Variants in RHEB observed in about 807,000 individuals in gnomAD.
RHEB encodes the protein Ras homolog, mTORC1 binding.
In RHEB, 2 loss-of-function variants were observed where a neutral mutation model predicts 28.8. The observed-to-expected ratio is 0.07, with a 90% confidence interval of 0.03 to 0.22. The LOEUF (loss-of-function observed/expected upper bound fraction) is 0.22. RHEB is among the 10% of genes least tolerant of loss of function. The probability of loss-of-function intolerance (pLI) is 1.00; values close to 1 mark genes in which losing one functional copy is unlikely to be tolerated. For missense variants in RHEB, 76 were observed against 219.9 expected (o/e 0.35, Z 4.14); for synonymous variants, 69 against 77.3 (o/e 0.89, Z 0.56).
intron 4 of RHEB, 102 bp from the exon 5 acceptor site, chr7:151,471,707 C>A (rs1802164670): frequency 9.5e-6 from 7 of 734,628 alleles, no homozygotes; most frequent in African/African-American, 1.8e-5. Context: ...CACAGACTCA[C>A]CATTTTAACA....
intron 3 of RHEB, among the ~76,000 whole-genome samples, chr7:151,482,373 G>C (rs1436097653): frequency 6.6e-6 from 1 of 152,104 alleles, no homozygotes; most frequent in Non-Finnish European, 1.5e-5. Flanking sequence ...CACAGTGTTG[G>C]GATTAAGGGC....
intron 1 of RHEB, among the ~76,000 whole-genome samples, chr7:151,508,665 C>CA (rs1364260253): frequency 6.6e-6 from 1 of 150,802 alleles, no homozygotes; most frequent in Non-Finnish European, 1.5e-5. Context: ...CTCAGCCTCC[C>CA]ACTTTTGTAG....
At position 151,498,126 on chromosome 7, in the gene RHEB, C is replaced by T. The variant is rs1802705611; in HGVS notation, c.53-7112G>A. On this transcript the variant is annotated intron_variant, in intron 1 of 7. Transcript: ENST00000262187. ...TGCCCATGGGGATGCACCTGTGCGC[C>T]CTGCAGAACTATAACACCACTCACA... is the stretch of plus-strand genomic sequence containing the variant. 6.2e-6 allele frequency: 8 copies of T among 1,289,504 alleles called. No homozygotes were observed. The South Asian group carries it at 9.9e-5, about 16-fold the overall frequency. The allele number at this position is 1,289,504 out of a possible 1,614,324, so 79.9% of individuals were successfully genotyped here.
intron 1 of RHEB, among the ~76,000 whole-genome samples, chr7:151,503,734 T>C (rs1563099817): frequency 6.6e-6 from 1 of 151,754 alleles, no homozygotes; most frequent in Non-Finnish European, 1.5e-5. Flanking sequence ...TTTTACTCGA[T>C]GGTGAAATTC....
intron 4 of RHEB, among the ~76,000 whole-genome samples, chr7:151,476,410 A>G (rs1802273723): frequency 6.6e-6 from 1 of 152,216 alleles, no homozygotes; most frequent in South Asian, 2.1e-4. Context: ...AAACACTTCT[A>G]TCACCGCAGT....
intron 1 of RHEB, among the ~76,000 whole-genome samples, chr7:151,495,699 C>T (rs1161852748): frequency 6.6e-6 from 1 of 152,110 alleles, no homozygotes; most frequent in Non-Finnish European, 1.5e-5. Flanking sequence ...GCCTGTAATC[C>T]CAGCACTCTG....
intron 1 of RHEB, among the ~76,000 whole-genome samples, chr7:151,509,724 C>G (rs1046332596): frequency 3.9e-5 from 6 of 152,154 alleles, no homozygotes; most frequent in African/African-American, 1.4e-4. Flanking sequence ...AGTCTATGAG[C>G]TAAAAATGTT....
chr7:151,505,550 G>C lies in RHEB; in HGVS notation c.52+13910C>G, dbSNP rs554035679. Among the ~76,000 whole-genome samples the C allele has an allele frequency of 7.9e-5, 12 of 152,320 alleles. No individual in the cohort carries two copies. The South Asian group carries it at 1.9e-3, about 24-fold the overall frequency. On this transcript the variant is annotated intron_variant, in intron 1 of 7. Coordinates refer to ENST00000262187, the MANE Select transcript of RHEB (RefSeq NM_005614.4). ...CAACCAAAGCTCTCATGTGCTGCTAGTGGAGGCATAAAATGGTCAAAATGT... is the reference window on the plus strand; with the variant it reads ...CAACCAAAGCTCTCATGTGCTGCTACTGGAGGCATAAAATGGTCAAAATGT...
At chr7:151,500,115 TA>T (rs1291299781) in intron 1 of RHEB, among the ~76,000 whole-genome samples, 1 of 152,114 alleles carries the variant, frequency 6.6e-6, no homozygotes, top group East Asian at 1.9e-4. Flanking sequence ...AAAATGTCTT[TA>T]AAAAAACATG....
intron 1 of RHEB, among the ~76,000 whole-genome samples, chr7:151,504,063 T>C (rs1382081801): frequency 2.0e-5 from 3 of 152,184 alleles, no homozygotes; most frequent in Non-Finnish European, 4.4e-5. Context: ...CCTGTCTCCC[T>C]CCAGACTGGC....
At chr7:151,511,664 C>CTTTT (rs201464253) in intron 1 of RHEB, among the ~76,000 whole-genome samples, 7 of 142,862 alleles carry the variant, frequency 4.9e-5, no homozygotes, top group African/African-American at 1.8e-4. Flanking sequence ...TGTTAGATTT[C>CTTTT]TTTTTTTTTT....
intron 3 of RHEB, among the ~76,000 whole-genome samples, chr7:151,478,483 T>C (rs1802312817): frequency 6.6e-6 from 1 of 152,116 alleles, no homozygotes; most frequent in Admixed American, 6.5e-5. Context: ...TTTTAATCAC[T>C]AGCTCAGCTA....
At chr7:151,516,088 G>C (rs1235684444) in intron 1 of RHEB, among the ~76,000 whole-genome samples, 1 of 152,164 alleles carries the variant, frequency 6.6e-6, no homozygotes, top group African/African-American at 2.4e-5. Context: ...CGTTGTGGTA[G>C]AAATAACGGA....
At chr7:151,488,941 A>C (rs907921643) in intron 2 of RHEB, among the ~76,000 whole-genome samples, 7 of 152,124 alleles carry the variant, frequency 4.6e-5, no homozygotes, top group African/African-American at 1.7e-4. Flanking sequence ...CTTTCCTTCC[A>C]ACTCAGTTTT....
In RHEB at chr7:151,468,122, C is replaced by T. The variant is rs1716824125; in HGVS notation, c.463-911G>A. Among the ~76,000 whole-genome samples the T allele has an allele frequency of 6.6e-6, 1 of 152,156 alleles. No individual in the cohort carries two copies. Among genetic ancestry groups the T allele is most frequent in the Non-Finnish European group, 1.5e-5 (1 of 68,024 alleles). Reference sequence around the variant, plus strand: ...GTTCTCCTAATCACCAAGAATCCCCCTCCCCCATCACTCCAGTGACTTCCA... The same window carrying T: ...GTTCTCCTAATCACCAAGAATCCCCTTCCCCCATCACTCCAGTGACTTCCA... On this transcript the variant is annotated intron_variant, in intron 7 of 7. Coordinates refer to ENST00000262187, the MANE Select transcript of RHEB (RefSeq NM_005614.4). The surrounding 1 kb of genome is among the most constrained non-coding windows in gnomAD (Gnocchi z 4.3).
At chr7:151,519,430 G>A (rs758686714) in intron 1 of RHEB, 30 bp downstream of exon 1, 2 of 1,391,214 alleles carry the variant, frequency 1.4e-6, no homozygotes, top group South Asian at 1.6e-5. Flanking sequence ...CCGGCGGCGC[G>A]AGGAGGCCGC....
chr7:151,474,552 C>T (rs1802233638), intron 4 of RHEB, among the ~76,000 whole-genome samples: 1 of 152,114 alleles, frequency 6.6e-6, no homozygotes, highest in Admixed American at 6.5e-5. Context: ...ATCAATATAC[C>T]CAATTTACAG....
intron 1 of RHEB, among the ~76,000 whole-genome samples, chr7:151,504,693 G>A (rs559828431): frequency 9.9e-4 from 151 of 152,174 alleles, no homozygotes; most frequent in African/African-American, 3.6e-3. Flanking sequence ...CATAATATAT[G>A]GTTCCATTTA....
chr7:151,485,334 T>G (rs1198877072), intron 2 of RHEB, among the ~76,000 whole-genome samples: 9 of 152,148 alleles, frequency 5.9e-5, no homozygotes, highest in Non-Finnish European at 1.3e-4. Flanking sequence ...CCACTTAAGC[T>G]TAAGGATCCA....
Sources: gnomAD v4.1 joint callset for allele counts (sites outside exome capture counted in the v4.1 genomes callset) on GRCh38, gnomAD v4.1.1 for gene constraint, Gnocchi (gnomAD v3.1) non-coding constraint, MANE v1.5 for transcripts, NCBI Gene and HGNC (gene_info 2026-07-23, HGNC 2026-07-21) for gene names.